The following GALNT17 variants were observed in gnomAD, a reference collection of about 807,000 sequenced individuals.
The protein encoded by GALNT17 is UDP-GalNAc:polypeptide N-acetylgalactosaminyltransferase-like 3.
Under a neutral mutation model 63.7 loss-of-function variants are expected in GALNT17, and 29 were observed. That is an observed-to-expected ratio of 0.46 (90% confidence interval 0.34 to 0.62). The LOEUF is 0.62. Among genes scored for constraint, GALNT17 ranks in the 20% least tolerant of loss-of-function variants. The pLI, the probability that GALNT17 is intolerant of heterozygous loss-of-function variation, is 0.01. For missense variants in GALNT17, 603 were observed against 799.6 expected, an observed-to-expected ratio of 0.75 and a Z score of 2.97; for synonymous variants, 305 against 318.3, an observed-to-expected ratio of 0.96 and a Z score of 0.45.
intron 6 of GALNT17, among the ~76,000 whole-genome samples, chr7:71,610,089 AG>A (rs1291811743): frequency 2.0e-5 from 3 of 152,182 alleles, no homozygotes; most frequent in African/African-American, 4.8e-5. Context: ...CTTAAAAAGT[AG>A]AAAATTTACA....
intron 5 of GALNT17, among the ~76,000 whole-genome samples, chr7:71,569,616 G>C (rs1314819286): frequency 6.6e-6 from 1 of 152,210 alleles, no homozygotes; most frequent in East Asian, 1.9e-4. Context: ...GGTTGATGCT[G>C]ATGCAGTTGG....
At position 71,250,794 on chromosome 7, in the gene GALNT17, C is replaced by T. The variant is rs76259409; in HGVS notation, c.239-84756C>T. 2.9e-4 allele frequency among the ~76,000 whole-genome samples: 44 copies of T among 152,288 alleles called. No homozygotes were observed. The East Asian group carries it at 7.0e-3, about 24-fold the overall frequency. On this transcript the variant is annotated intron_variant, in intron 1 of 10. Coordinates refer to ENST00000333538, the MANE Select transcript of GALNT17 (RefSeq NM_022479.3). ...ATCTAGCAAGTATCACAGGCTGAAA[C>T]GTGGGAAAAACCCTTTTCCCTGAGC... is the stretch of plus-strand genomic sequence containing the variant.
intron 3 of GALNT17, among the ~76,000 whole-genome samples, chr7:71,412,129 A>T (rs1286020425): frequency 6.6e-6 from 1 of 151,912 alleles, no homozygotes; most frequent in Non-Finnish European, 1.5e-5. Flanking sequence ...TACATTCTCT[A>T]TCCAGCCCTG....
intron 1 of GALNT17, among the ~76,000 whole-genome samples, chr7:71,334,299 C>T (rs573171390): frequency 6.6e-6 from 1 of 152,278 alleles, no homozygotes; most frequent in South Asian, 2.1e-4. Flanking sequence ...TGGCTCTTGA[C>T]TTGCTTAGGG....
chr7:71,614,758 CAGAA>C (rs748822399), intron 6 of GALNT17, among the ~76,000 whole-genome samples: 6 of 145,948 alleles, frequency 4.1e-5, no homozygotes, highest in South Asian at 2.2e-4. Context: ...GCGAAAGAAA[CAGAA>C]AGAGAAAGAA....
At chr7:71,375,599 T>G (rs1390106330) in intron 2 of GALNT17, among the ~76,000 whole-genome samples, 11 of 152,142 alleles carry the variant, frequency 7.2e-5, no homozygotes, top group Non-Finnish European at 1.3e-4. Flanking sequence ...ATAAATTATT[T>G]TTAGAGACAC....
At chr7:71,630,859 G>A (rs1385439531) in intron 6 of GALNT17, among the ~76,000 whole-genome samples, 3 of 152,204 alleles carry the variant, frequency 2.0e-5, no homozygotes, top group Non-Finnish European at 2.9e-5. Flanking sequence ...AAGAAAATAA[G>A]CAAATTTGAG....
chr7:71,291,033 T>A (rs1790971048), intron 1 of GALNT17, among the ~76,000 whole-genome samples: 1 of 152,208 alleles, frequency 6.6e-6, no homozygotes, highest in Admixed American at 6.5e-5. Context: ...TTAAGTGAGA[T>A]AATGCATGGA....
At chr7:71,367,002 G>A (rs767367490) in intron 2 of GALNT17, among the ~76,000 whole-genome samples, 3 of 152,070 alleles carry the variant, frequency 2.0e-5, no homozygotes, top group Non-Finnish European at 4.4e-5. Context: ...CACTCGGACC[G>A]AGACTTTTTG....
intron 1 of GALNT17, among the ~76,000 whole-genome samples, chr7:71,223,525 T>G (rs894557339): frequency 5.9e-5 from 9 of 152,206 alleles, no homozygotes; most frequent in African/African-American, 2.2e-4. Context: ...CCCAACTTTT[T>G]TTTTTCGAGC....
intron 2 of GALNT17, among the ~76,000 whole-genome samples, chr7:71,349,550 C>T (rs963204249): frequency 5.3e-5 from 8 of 152,110 alleles, no homozygotes; most frequent in Non-Finnish European, 8.8e-5. Flanking sequence ...TAGTCACATG[C>T]GGTAAACCAG....
intron 6 of GALNT17, among the ~76,000 whole-genome samples, chr7:71,625,822 A>G (rs903959862): frequency 1.3e-5 from 2 of 152,182 alleles, no homozygotes; most frequent in Non-Finnish European, 2.9e-5. Context: ...CCAAACAATC[A>G]TATGTTGAAG....
At chr7:71,589,665 T>C (rs6961201) in intron 6 of GALNT17, among the ~76,000 whole-genome samples, 11,937 of 152,298 alleles carry the variant, frequency 0.078, 510 homozygotes, top group South Asian at 0.13. Flanking sequence ...CATTACATTA[T>C]TCAGTGCTCG....
chr7:71,496,562 C>T (rs561525268), intron 5 of GALNT17, among the ~76,000 whole-genome samples: 1 of 152,118 alleles, frequency 6.6e-6, no homozygotes, highest in Non-Finnish European at 1.5e-5. Context: ...TTCCACCTGC[C>T]CTCCTTCCCC....
intron 10 of GALNT17, 118 bp from the exon 11 acceptor site, chr7:71,711,900 T>TTTC (rs1438372823): frequency 2.6e-6 from 3 of 1,168,380 alleles, no homozygotes; most frequent in African/African-American, 3.1e-5. Flanking sequence ...CTCTTCTCTT[T>TTTC]TTCTTTTTCT....
chr7:71,167,078 G>T, intron 1 of GALNT17, among the ~76,000 whole-genome samples: 1 of 145,028 alleles, frequency 6.9e-6, no homozygotes, highest in Non-Finnish European at 1.5e-5. Context: ...GGAGAGACAG[G>T]GTCTCTCTGT....
intron 5 of GALNT17, among the ~76,000 whole-genome samples, chr7:71,483,026 G>A (rs1261603310): frequency 6.6e-6 from 1 of 152,200 alleles, no homozygotes; most frequent in East Asian, 1.9e-4. Context: ...ACCTCCTGCT[G>A]TGCAGCCTGG....
At chr7:71,201,904 A>T (rs1372267588) in intron 1 of GALNT17, among the ~76,000 whole-genome samples, 2 of 152,174 alleles carry the variant, frequency 1.3e-5, no homozygotes, top group Non-Finnish European at 2.9e-5. Flanking sequence ...GAGTGCTGGG[A>T]TTACAGGCGT....
intron 5 of GALNT17, among the ~76,000 whole-genome samples, chr7:71,566,847 A>G (rs930349184): frequency 6.6e-6 from 1 of 152,132 alleles, no homozygotes; most frequent in Admixed American, 6.5e-5. Context: ...CAGGGCTCTC[A>G]GCAGATGGAA....
Sources: allele counts gnomAD v4.1 joint callset (sites outside exome capture counted in the v4.1 genomes callset), GRCh38; gene constraint gnomAD v4.1.1; transcripts MANE v1.5; gene names NCBI Gene and HGNC (gene_info 2026-07-23, HGNC 2026-07-21).